FRMD4A: variants seen among roughly 807,000 people sequenced by gnomAD.
The protein encoded by FRMD4A is FERM domain-containing protein 4A.
In FRMD4A, 29 loss-of-function variants were observed where a neutral mutation model predicts 129.1. The ratio of observed to expected loss-of-function variants is 0.22; its 90% CI spans 0.17 to 0.31. The LOEUF (loss-of-function observed/expected upper bound fraction) is 0.31. Among genes scored for constraint, FRMD4A ranks in the 10% least tolerant of loss-of-function variants. The probability of loss-of-function intolerance (pLI) is 1.00; values close to 1 mark genes in which losing one functional copy is unlikely to be tolerated. For synonymous variants in FRMD4A, 634 were observed against 571.6 expected, an observed-to-expected ratio of 1.11 and a Z score of -1.56; for missense variants, 1,272 against 1,375.8, an observed-to-expected ratio of 0.92 and a Z score of 1.19.
chr10:14,033,995 T>G (rs570466595), intron 2 of FRMD4A, among the ~76,000 whole-genome samples: 1 of 152,264 alleles, frequency 6.6e-6, no homozygotes, highest in East Asian at 1.9e-4. Context: ...TGAACTAACT[T>G]AGAAGCAGAA....
chr10:13,978,520 C>A (rs2131398684), intron 2 of FRMD4A, among the ~76,000 whole-genome samples: 1 of 152,206 alleles, frequency 6.6e-6, no homozygotes, highest in South Asian at 2.1e-4. Flanking sequence ...AAAAAAAATG[C>A]TATTTAGAAA....
chr10:13,721,735 G>A (rs1027035036), intron 12 of FRMD4A, among the ~76,000 whole-genome samples: 6 of 152,206 alleles, frequency 3.9e-5, no homozygotes, highest in African/African-American at 1.4e-4. Flanking sequence ...CTTCTACCTC[G>A]GGGATGGGCA....
intron 12 of FRMD4A, among the ~76,000 whole-genome samples, chr10:13,728,683 G>C (rs1025729346): frequency 6.8e-6 from 1 of 146,860 alleles, no homozygotes; most frequent in Non-Finnish European, 1.5e-5. Context: ...CAATTCTCCT[G>C]TCTCAGCCTC....
intron 8 of FRMD4A, among the ~76,000 whole-genome samples, chr10:13,752,133 T>C (rs928721968): frequency 6.6e-6 from 1 of 152,222 alleles, no homozygotes. Context: ...CAGTTTTTAT[T>C]AAAAACTCTC....
At chr10:13,670,644 T>C (rs2083439360) in intron 16 of FRMD4A, 116 bp from the exon 17 acceptor site, 1 of 938,150 alleles carries the variant, frequency 1.1e-6, no homozygotes, top group Admixed American at 2.0e-5. Flanking sequence ...TGCACTTCGA[T>C]ACAGGTCAAC....
intron 2 of FRMD4A, among the ~76,000 whole-genome samples, chr10:13,987,924 C>T (rs2095587778): frequency 6.6e-6 from 1 of 152,314 alleles, no homozygotes; most frequent in Non-Finnish European, 1.5e-5. Context: ...ATAAATCACT[C>T]CAAACCAGGA....
At chr10:13,974,811 G>A (rs564393446) in intron 2 of FRMD4A, among the ~76,000 whole-genome samples, 1 of 152,160 alleles carries the variant, frequency 6.6e-6, no homozygotes, top group Non-Finnish European at 1.5e-5. Context: ...ACAGGTGTGA[G>A]CCACTGCACC....
intron 2 of FRMD4A, among the ~76,000 whole-genome samples, chr10:14,169,123 A>ATCG (rs1841345727): frequency 9.4e-5 from 3 of 32,020 alleles, no homozygotes; most frequent in African/African-American, 3.6e-4. Context: ...AAAATTAAAC[A>ATCG]TAAAAATATA....
chr10:13,926,577 C>T (rs1732383141), intron 2 of FRMD4A, among the ~76,000 whole-genome samples: 1 of 152,228 alleles, frequency 6.6e-6, no homozygotes, highest in Non-Finnish European at 1.5e-5. Context: ...CCTTCAAACA[C>T]TAGCAGAAAG....
chr10:14,303,640 G>A lies in FRMD4A; in HGVS notation c.45+26418C>T, dbSNP rs1453626005. Among the ~76,000 whole-genome samples, 9 of 152,262 alleles carry A rather than the reference G, an allele frequency of 5.9e-5. No homozygotes were observed. The East Asian group carries it at 1.5e-3, about 26-fold the overall frequency. ...GCAGGACTCGGGAAGCAGGAGACAGGGGCTGACACAGGCAGCAATTGTAGC... is the reference window on the plus strand; with the variant it reads ...GCAGGACTCGGGAAGCAGGAGACAGAGGCTGACACAGGCAGCAATTGTAGC... On this transcript the variant is annotated intron_variant, in intron 2 of 24. Coordinates refer to ENST00000357447, the MANE Select transcript of FRMD4A (RefSeq NM_018027.5).
intron 2 of FRMD4A, among the ~76,000 whole-genome samples, chr10:14,194,582 G>C (rs1453430302): frequency 1.3e-5 from 2 of 152,090 alleles, no homozygotes; most frequent in Non-Finnish European, 2.9e-5. Context: ...CTGCACTCTC[G>C]CCTGGGCGAC....
intron 2 of FRMD4A, among the ~76,000 whole-genome samples, chr10:14,214,794 AAAGG>A (rs1348993334): frequency 6.6e-6 from 1 of 152,206 alleles, no homozygotes; most frequent in East Asian, 1.9e-4. Flanking sequence ...TGAAATATAG[AAAGG>A]AAGGAAGCCA....
At chr10:13,919,627 A>C (rs1031112984) in intron 2 of FRMD4A, among the ~76,000 whole-genome samples, 3 of 152,278 alleles carry the variant, frequency 2.0e-5, no homozygotes, top group Non-Finnish European at 4.4e-5. Context: ...TTATTTCAAA[A>C]TTCTAAGTAA....
chr10:14,070,433 A>G (rs1835265307), intron 2 of FRMD4A, among the ~76,000 whole-genome samples: 1 of 152,164 alleles, frequency 6.6e-6, no homozygotes, highest in South Asian at 2.1e-4. Flanking sequence ...TTGGCTATCA[A>G]TATTTTATTA....
chr10:14,229,665 G>A (rs936320768), intron 2 of FRMD4A, among the ~76,000 whole-genome samples: 4 of 152,144 alleles, frequency 2.6e-5, no homozygotes, highest in South Asian at 4.2e-4. Context: ...TCTTGAACTC[G>A]CGGGCACAAG....
At chr10:14,218,219 T>C (rs1843134408) in intron 2 of FRMD4A, among the ~76,000 whole-genome samples, 1 of 152,192 alleles carries the variant, frequency 6.6e-6, no homozygotes, top group Non-Finnish European at 1.5e-5. Context: ...TGAAATGCAA[T>C]TGAAGATTTT....
At chr10:13,905,894 C>T (rs1039966860) in intron 2 of FRMD4A, among the ~76,000 whole-genome samples, 7 of 152,152 alleles carry the variant, frequency 4.6e-5, no homozygotes, top group East Asian at 1.9e-4. Flanking sequence ...TCTGGAGGAG[C>T]GGAGGGGAAC....
chr10:13,717,122 G>A (rs1460611280), intron 12 of FRMD4A, among the ~76,000 whole-genome samples: 3 of 152,152 alleles, frequency 2.0e-5, no homozygotes, highest in South Asian at 4.1e-4. Flanking sequence ...TAACCTCTCT[G>A]TGCTCCAGTC....
intron 2 of FRMD4A, among the ~76,000 whole-genome samples, chr10:14,045,811 A>G (rs12570152): frequency 0.17 from 25,040 of 145,448 alleles, 2,775 homozygotes; most frequent in East Asian, 0.43. Flanking sequence ...TATATAGAAT[A>G]GATATGTATT....
Sources: gnomAD v4.1 joint callset for allele counts (sites outside exome capture counted in the v4.1 genomes callset) on GRCh38, gnomAD v4.1.1 for gene constraint, MANE v1.5 for transcripts, NCBI Gene and HGNC (gene_info 2026-07-23, HGNC 2026-07-21) for gene names.